Variants in NCOA1 observed in about 807,000 individuals in gnomAD.
NCOA1 encodes the protein nuclear receptor coactivator 1.
A neutral mutation model predicts 150.9 loss-of-function variants in NCOA1; 35 were observed. The observed-to-expected ratio is 0.23, with a 90% CI of 0.18 to 0.31. NCOA1 has a LOEUF of 0.31. Among genes scored for constraint, NCOA1 ranks in the 10% least tolerant of loss-of-function variants. The pLI is 1.00. For synonymous variants in NCOA1, 590 were observed against 630.0 expected (o/e 0.94, Z 0.95); for missense variants, 1,491 against 1,749.3 (o/e 0.85, Z 2.63).
At chr2:24,687,434 G>A (rs1672457856) in intron 8 of NCOA1, among the ~76,000 whole-genome samples, 1 of 151,946 alleles carries the variant, frequency 6.6e-6, no homozygotes, top group African/African-American at 2.4e-5. Flanking sequence ...TCATGTCATG[G>A]GGGTTTGTTG....
chr2:24,667,191 C>A (rs984372729), intron 6 of NCOA1, among the ~76,000 whole-genome samples: 1 of 152,136 alleles, frequency 6.6e-6, no homozygotes, highest in African/African-American at 2.4e-5. Context: ...ACAGGAGAAA[C>A]CGTACTGTAA....
chr2:24,740,665 C>T (rs1350584754), intron 18 of NCOA1, among the ~76,000 whole-genome samples: 1 of 152,168 alleles, frequency 6.6e-6, no homozygotes, highest in Non-Finnish European at 1.5e-5. Context: ...ATATTGACAT[C>T]TTCATGGATC....
At chr2:24,532,198 T>C (rs551045614) in intron 1 of NCOA1, among the ~76,000 whole-genome samples, 19 of 152,358 alleles carry the variant, frequency 1.2e-4, no homozygotes, top group African/African-American at 4.6e-4. Flanking sequence ...TGCATTTCTC[T>C]GATGACCAGT....
chr2:24,580,579 A>G (rs1401322084), intron 2 of NCOA1, among the ~76,000 whole-genome samples: 1 of 151,542 alleles, frequency 6.6e-6, no homozygotes, highest in African/African-American at 2.4e-5. Flanking sequence ...TGTTTTACCT[A>G]TTTTTCAGTT....
rs560957980 is a variant in NCOA1, at chr2:24,689,547, C to G, written c.533-1934C>G. ...CAACTACTTGGTAGGTGCCCGCCACCACACCTGGCTAATTTTCTGTAATTT... is the reference window on the plus strand; with the variant it reads ...CAACTACTTGGTAGGTGCCCGCCACGACACCTGGCTAATTTTCTGTAATTT... On this transcript the variant is annotated intron_variant, in intron 8 of 22. Coordinates refer to ENST00000348332, the MANE Select transcript of NCOA1 (RefSeq NM_003743.5). Among the ~76,000 whole-genome samples, 3 of 152,220 alleles carry G rather than the reference C, an allele frequency of 2.0e-5. No individual in the cohort carries two copies. The South Asian group carries it at 6.2e-4, about 32-fold the overall frequency.
At chr2:24,669,704 C>T (rs749701047) in intron 6 of NCOA1, among the ~76,000 whole-genome samples, 1 of 152,080 alleles carries the variant, frequency 6.6e-6, no homozygotes, top group Non-Finnish European at 1.5e-5. Flanking sequence ...AATAAAGACC[C>T]TGAATAGACA....
intron 3 of NCOA1, among the ~76,000 whole-genome samples, chr2:24,625,751 GTT>G (rs34945090): frequency 1.6e-3 from 236 of 143,676 alleles, no homozygotes; most frequent in African/African-American, 5.0e-3. Context: ...TTTCTGTTTT[GTT>G]TTTTTTTTTT....
chr2:24,657,010 A>G (rs1410914987), intron 4 of NCOA1, among the ~76,000 whole-genome samples: 1 of 152,242 alleles, frequency 6.6e-6, no homozygotes, highest in East Asian at 1.9e-4. Context: ...TCAGATATAT[A>G]GTAGTTCTAT....
chr2:24,551,550 C>T (rs942218115), intron 1 of NCOA1, among the ~76,000 whole-genome samples: 7 of 152,050 alleles, frequency 4.6e-5, no homozygotes, highest in East Asian at 1.9e-4. Flanking sequence ...GGCAAACTAA[C>T]GACCTAATTC....
intron 6 of NCOA1, 33 bp downstream of exon 6, chr2:24,665,948 G>A (rs771873324): frequency 1.5e-6 from 2 of 1,314,194 alleles, no homozygotes; most frequent in Non-Finnish European, 2.0e-6. Context: ...ATGGCTGTGT[G>A]CTTTGTTATT....
chr2:24,533,251 T>A (rs1228796629), intron 1 of NCOA1, among the ~76,000 whole-genome samples: 1 of 152,184 alleles, frequency 6.6e-6, no homozygotes, highest in Non-Finnish European at 1.5e-5. Flanking sequence ...TGGCTCTCTG[T>A]CTGTTATTGG....
At chr2:24,711,372 C>G (rs1194799056) in intron 14 of NCOA1, 1 of 286,142 alleles carries the variant, frequency 3.5e-6, no homozygotes, top group Non-Finnish European at 6.4e-6. Flanking sequence ...TCGTCTCACC[C>G]AAAACACCCC....
chr2:24,521,380 C>T (rs1013549537), intron 1 of NCOA1, among the ~76,000 whole-genome samples: 14 of 152,134 alleles, frequency 9.2e-5, no homozygotes, highest in South Asian at 2.1e-4. Context: ...CTAACATCTC[C>T]CCATTCCCAC....
chr2:24,703,751 CTTGT>C (rs1673280168), intron 11 of NCOA1, among the ~76,000 whole-genome samples: 1 of 152,172 alleles, frequency 6.6e-6, no homozygotes, highest in East Asian at 1.9e-4. Context: ...TAGAACATGT[CTTGT>C]TTAAGTAACA....
At position 24,697,322 on chromosome 2, in the gene NCOA1, A is replaced by G. The variant is rs747110712; in HGVS notation, c.809-336A>G. On this transcript the variant is annotated intron_variant, in intron 10 of 22. Transcript: ENST00000348332. ...CTTTGCCTCTCCTTTCCAATCGGTC[A>G]TCAGTATACAGAGAGCAGAATCCAA... is the stretch of plus-strand genomic sequence containing the variant. Among the ~76,000 whole-genome samples, 132 of 152,166 alleles carry G rather than the reference A, an allele frequency of 8.7e-4. 1 individual carries two copies. The highest frequency in any genetic ancestry group is 1.8e-3 in the Non-Finnish European group (121 of 68,012).
chr2:24,583,346 C>T (rs1397749168), intron 2 of NCOA1, among the ~76,000 whole-genome samples: 1 of 151,794 alleles, frequency 6.6e-6, no homozygotes, highest in East Asian at 1.9e-4. Flanking sequence ...AAATCAAAAC[C>T]ATAATGAGGA....
In NCOA1 at chr2:24,722,746, T is replaced by A. The variant is rs555659220; in HGVS notation, c.2600-3843T>A. Among the ~76,000 whole-genome samples, 4 of 152,170 alleles carry A rather than the reference T, an allele frequency of 2.6e-5. No individual in the cohort carries two copies. In the East Asian group the frequency reaches 7.7e-4, roughly 29 times the overall value. On this transcript the variant is annotated intron_variant, in intron 14 of 22. Coordinates refer to ENST00000348332, the MANE Select transcript of NCOA1 (RefSeq NM_003743.5). ...TATTGTATAACTATAAAAATCACTA[T>A]TTTCGTATGCAACATTTTCAGTACC... is the stretch of plus-strand genomic sequence containing the variant.
At chr2:24,744,250 T>A (rs1663769464) in intron 19 of NCOA1, among the ~76,000 whole-genome samples, 1 of 152,202 alleles carries the variant, frequency 6.6e-6, no homozygotes, top group Non-Finnish European at 1.5e-5. Flanking sequence ...CAAAAATATT[T>A]TCACAAAATA....
At chr2:24,702,025 AT>A (rs1432866189) in intron 11 of NCOA1, among the ~76,000 whole-genome samples, 1 of 152,210 alleles carries the variant, frequency 6.6e-6, no homozygotes, top group Non-Finnish European at 1.5e-5. Flanking sequence ...AAGAAAAAAA[AT>A]ATATCATGAG....
Sources: gnomAD v4.1 joint callset for allele counts (sites outside exome capture counted in the v4.1 genomes callset) on GRCh38, gnomAD v4.1.1 for gene constraint, MANE v1.5 for transcripts, NCBI Gene and HGNC (gene_info 2026-07-23, HGNC 2026-07-21) for gene names.